CCNY: variants seen among roughly 807,000 people sequenced by gnomAD.
The protein encoded by CCNY is cyclin Y, also known as cyclin-Y.
CCNY carries 19 observed loss-of-function variants against 42.8 expected under a neutral mutation model. That is an observed-to-expected ratio of 0.44 (90% CI 0.31 to 0.65). CCNY has a LOEUF of 0.65. Ranked by LOEUF, CCNY falls within the 30% of genes least tolerant of loss-of-function variation. The probability of loss-of-function intolerance (pLI) is 0.07; values close to 1 mark genes in which losing one functional copy is unlikely to be tolerated. For missense variants in CCNY, 370 were observed against 437.3 expected, an observed-to-expected ratio of 0.85 and a Z score of 1.37; for synonymous variants, 165 against 162.7, an observed-to-expected ratio of 1.01 and a Z score of -0.11.
chr10:35,373,236 G>A (rs1424132278), intron 1 of CCNY, among the ~76,000 whole-genome samples: 1 of 152,128 alleles, frequency 6.6e-6, no homozygotes, highest in Admixed American at 6.5e-5. Flanking sequence ...TTACAGAGTG[G>A]GGATAATGAA....
chr10:35,421,650 C>T (rs1257802150), intron 1 of CCNY, among the ~76,000 whole-genome samples: 4 of 152,186 alleles, frequency 2.6e-5, no homozygotes, highest in African/African-American at 9.7e-5. Flanking sequence ...CTAGCTGGCC[C>T]TGCTGACTGG....
intron 1 of CCNY, among the ~76,000 whole-genome samples, chr10:35,367,009 A>G (rs1836823210): frequency 2.0e-5 from 3 of 152,210 alleles, no homozygotes; most frequent in Admixed American, 2.0e-4. Context: ...GTATAACTGA[A>G]TTGTCTGTTG....
chr10:35,519,761 TTTTTCTTTTC>T, intron 4 of CCNY, among the ~76,000 whole-genome samples: 1 of 148,644 alleles, frequency 6.7e-6, no homozygotes, highest in African/African-American at 2.5e-5. Context: ...AAGTATCTTC[TTTTTCTTTTC>T]TTTTCTTTTT....
chr10:35,315,224 G>A (rs548298446), intron 3 of CCNY: 2 of 152,304 alleles, frequency 1.3e-5, no homozygotes, highest in South Asian at 4.1e-4. Flanking sequence ...AGCTACCATA[G>A]TACCTGGTAG....
upstream of CCNY, among the ~76,000 whole-genome samples, chr10:35,335,060 A>ACCT (rs1835995049): frequency 8.9e-6 from 1 of 112,476 alleles, no homozygotes; most frequent in Non-Finnish European, 1.9e-5. Context: ...CCCAGCTCCC[A>ACCT]CCCCCACCCC....
chr10:35,394,927 G>A (rs1263880071), intron 1 of CCNY: 2 of 783,544 alleles, frequency 2.6e-6, no homozygotes, highest in Non-Finnish European at 3.1e-6. Context: ...AAAACTCACT[G>A]AGGGCTTCTC....
At chr10:35,475,955 A>C (rs1839499583) in intron 1 of CCNY, among the ~76,000 whole-genome samples, 1 of 152,156 alleles carries the variant, frequency 6.6e-6, no homozygotes, top group Non-Finnish European at 1.5e-5. Context: ...TCTGCCAAGC[A>C]AATGGAAAAC....
chr10:35,522,125 T>G (rs1339967723), intron 4 of CCNY, among the ~76,000 whole-genome samples: 1 of 152,058 alleles, frequency 6.6e-6, no homozygotes, highest in African/African-American at 2.4e-5. Flanking sequence ...GGGCACTGCC[T>G]CTAGAAAAAA....
chr10:35,339,382 T>G (rs2135117423), intron 1 of CCNY, among the ~76,000 whole-genome samples: 1 of 152,308 alleles, frequency 6.6e-6, no homozygotes, highest in African/African-American at 2.4e-5. Context: ...AATTCATTAT[T>G]AGAGGCTGAG....
At chr10:35,248,989 C>G (rs2095710029) in intron 2 of CCNY, among the ~76,000 whole-genome samples, 1 of 152,148 alleles carries the variant, frequency 6.6e-6, no homozygotes, top group Non-Finnish European at 1.5e-5. Flanking sequence ...ACTCTGTTGC[C>G]CAGGCTAGAG....
rs1421951686 is a variant in CCNY, at chr10:35,519,888, C to T, written c.365+3265C>T. 3.3e-5 allele frequency among the ~76,000 whole-genome samples: 5 copies of T among 150,146 alleles called. No individual in the cohort carries two copies. In the East Asian group the frequency reaches 7.9e-4, roughly 24 times the overall value. On this transcript the variant is annotated intron_variant, in intron 4 of 9. Transcript: ENST00000374704. ...CGCCTCCCAGGCTCAAGAGATCCTC[C>T]CGCCTTAGCCTTCCGAGTAGCTGGG... is the stretch of plus-strand genomic sequence containing the variant.
chr10:35,299,143 G>C (rs559954116), intron 3 of CCNY, among the ~76,000 whole-genome samples: 1 of 152,172 alleles, frequency 6.6e-6, no homozygotes, highest in Admixed American at 6.5e-5. Flanking sequence ...GGAGAAGCCC[G>C]GTATGTGATT....
intron 1 of CCNY, among the ~76,000 whole-genome samples, chr10:35,440,210 G>A (rs1383989311): frequency 6.6e-6 from 1 of 152,178 alleles, no homozygotes; most frequent in African/African-American, 2.4e-5. Flanking sequence ...AGAGAGAGCA[G>A]GTGTTCTTTG....
chr10:35,307,312 T>C lies in CCNY; in HGVS notation c.-9+56686T>C, dbSNP rs186238227. The stretch of plus-strand genomic sequence containing the variant: ...AAACTAGTTAGACAGATGGAACATC[T>C]GTGAAAGAATTACAAAAAAGAGTCA... On this transcript the variant is annotated intron_variant, in intron 3 of 11. Transcript: ENST00000374706. 2.0e-3 allele frequency among the ~76,000 whole-genome samples: 309 copies of C among 152,342 alleles called. 2 individuals carry two copies. Among genetic ancestry groups the C allele is most frequent in the African/African-American group, 7.1e-3 (296 of 41,574 alleles).
At chr10:35,354,333 C>G (rs1283637737) in intron 1 of CCNY, among the ~76,000 whole-genome samples, 1 of 151,898 alleles carries the variant, frequency 6.6e-6, no homozygotes, top group Non-Finnish European at 1.5e-5. Context: ...TTACAGGCGC[C>G]CACCACCACG....
chr10:35,567,410 A>G (rs1435750607), intron 9 of CCNY, among the ~76,000 whole-genome samples: 3 of 152,234 alleles, frequency 2.0e-5, no homozygotes, highest in African/African-American at 7.2e-5. Context: ...GTAATTAAGC[A>G]GGATCCCTGG....
intron 3 of CCNY, among the ~76,000 whole-genome samples, chr10:35,314,181 ACT>A (rs1180930635): frequency 2.0e-5 from 3 of 152,064 alleles, no homozygotes; most frequent in Middle Eastern, 6.8e-3. Flanking sequence ...ATTAGATCAC[ACT>A]CATATTAGTC....
At chr10:35,506,879 A>C (rs1297920025) in intron 3 of CCNY, among the ~76,000 whole-genome samples, 1 of 152,198 alleles carries the variant, frequency 6.6e-6, no homozygotes. Flanking sequence ...ATTCTTGACC[A>C]CAGCTGCCTG....
intron 3 of CCNY, among the ~76,000 whole-genome samples, chr10:35,508,982 A>G (rs964978569): frequency 6.6e-6 from 1 of 152,224 alleles, no homozygotes; most frequent in African/African-American, 2.4e-5. Context: ...AAATGTAATC[A>G]TATAATACAT....
Sources: gnomAD v4.1 joint callset for allele counts (sites outside exome capture counted in the v4.1 genomes callset) on GRCh38, gnomAD v4.1.1 for gene constraint, MANE v1.5 for transcripts, NCBI Gene and HGNC (gene_info 2026-07-23, HGNC 2026-07-21) for gene names.